Variants in DPH6 observed in about 807,000 individuals in gnomAD.
DPH6 encodes the protein diphthine--ammonia ligase.
Under a neutral mutation model 38.2 loss-of-function variants are expected in DPH6, and 33 were observed. That is an observed-to-expected ratio of 0.86 (90% CI 0.65 to 1.15). DPH6 has a LOEUF of 1.15. Ranked by LOEUF, DPH6 falls within the 50% of genes most tolerant of loss-of-function variation. DPH6 has a pLI of 0.00. For synonymous variants in DPH6, 108 were observed against 103.0 expected (o/e 1.05, Z -0.30); for missense variants, 325 against 320.0 (o/e 1.02, Z -0.12).
intron 3 of DPH6, among the ~76,000 whole-genome samples, chr15:35,223,501 A>G (rs1160964362): frequency 2.0e-5 from 3 of 152,172 alleles, no homozygotes; most frequent in Non-Finnish European, 4.4e-5. Context: ...CCTGGCTAAG[A>G]AGGTGAAACC....
chr15:35,239,867 GACC>G lies in DPH6; in HGVS notation n.201-19288_201-19286del, dbSNP rs1312392699. On this transcript the variant is annotated intron_variant and non_coding_transcript_variant, in intron 3 of 3. Coordinates refer to the DPH6 transcript ENST00000560386. The stretch of plus-strand genomic sequence containing the variant: ...CCCCAATCCCTTATTTCTGCACCCT[GACC>G]TCTTATCTCTGTGCCCCAATCCCTT... Among the ~76,000 whole-genome samples, 9 of 139,660 alleles carry G rather than the reference GACC, an allele frequency of 6.4e-5. 1 individual carries two copies. Among genetic ancestry groups the G allele is most frequent in the African/African-American group, 2.3e-4 (9 of 38,484 alleles). 91.6% of individuals were successfully genotyped at this position (139,660 alleles called of 152,430 possible).
intron 4 of DPH6, among the ~76,000 whole-genome samples, 198 bp downstream of exon 4, chr15:35,454,549 A>C (rs2053972591): frequency 6.6e-6 from 1 of 152,140 alleles, no homozygotes; most frequent in South Asian, 2.1e-4. Context: ...AAATAAGTTA[A>C]GTTTCCTCAT....
At chr15:35,272,918 A>AG (rs1266502365) in intron 3 of DPH6, among the ~76,000 whole-genome samples, 7 of 151,006 alleles carry the variant, frequency 4.6e-5, no homozygotes, top group Admixed American at 4.6e-4. Flanking sequence ...AAAAAAAAAA[A>AG]CAAACCAAAA....
intron 3 of DPH6, among the ~76,000 whole-genome samples, chr15:35,289,567 T>C (rs2051966194): frequency 6.6e-6 from 1 of 152,244 alleles, no homozygotes; most frequent in African/African-American, 2.4e-5. Flanking sequence ...CTCATATTAT[T>C]GTTCAGAGAT....
chr15:35,365,887 GT>G, downstream of DPH6: 7 of 985,202 alleles, frequency 7.1e-6, no homozygotes, highest in Non-Finnish European at 8.4e-6. Flanking sequence ...CAAGCCCCAA[GT>G]TGTCTCATTT....
At chr15:35,346,439 G>C (rs2052462378) in intron 3 of DPH6, among the ~76,000 whole-genome samples, 1 of 152,048 alleles carries the variant, frequency 6.6e-6, no homozygotes, top group Non-Finnish European at 1.5e-5. Context: ...GCAGAGAGTA[G>C]TTGGCAGTAC....
the DPH6 span, among the ~76,000 whole-genome samples, chr15:35,151,837 C>T: frequency 3.3e-5 from 5 of 152,142 alleles, no homozygotes; most frequent in Non-Finnish European, 5.9e-5. Context: ...TGATAATAAG[C>T]GACGCAGAAC....
At chr15:35,377,333 A>G (rs2140931283) in intron 7 of DPH6, among the ~76,000 whole-genome samples, 1 of 152,058 alleles carries the variant, frequency 6.6e-6, no homozygotes, top group Non-Finnish European at 1.5e-5. Context: ...CCATCCATCC[A>G]TCCATCCATC....
chr15:35,229,331 G>GGTCA (rs1037683495), intron 3 of DPH6, among the ~76,000 whole-genome samples: 4 of 151,560 alleles, frequency 2.6e-5, no homozygotes, highest in East Asian at 3.9e-4. Context: ...TAAAAGACTC[G>GGTCA]GATGTATTCT....
intron 3 of DPH6, among the ~76,000 whole-genome samples, chr15:35,510,471 A>C (rs905095492): frequency 6.6e-6 from 1 of 152,250 alleles, no homozygotes; most frequent in African/African-American, 2.4e-5. Flanking sequence ...CAACTCCTGC[A>C]TATGTATCAG....
chr15:35,522,038 ATGTC>A, intron 3 of DPH6: 10 of 1,574,160 alleles, frequency 6.4e-6, no homozygotes, highest in Non-Finnish European at 8.6e-6. Flanking sequence ...TCCAATTAGT[ATGTC>A]TAAGTTTTTA....
chr15:35,336,187 T>C (rs1318154898), intron 3 of DPH6, among the ~76,000 whole-genome samples: 1 of 152,168 alleles, frequency 6.6e-6, no homozygotes, highest in Non-Finnish European at 1.5e-5. Context: ...TTGCCTGTTG[T>C]TGGTGTATAG....
intron 3 of DPH6, among the ~76,000 whole-genome samples, chr15:35,509,219 C>G (rs2054735201): frequency 6.6e-6 from 1 of 152,140 alleles, no homozygotes; most frequent in South Asian, 2.1e-4. Flanking sequence ...ATTTTCTTCC[C>G]ATTTTTAACC....
intron 3 of DPH6, among the ~76,000 whole-genome samples, chr15:35,304,786 T>A (rs2052076834): frequency 6.6e-6 from 1 of 151,580 alleles, no homozygotes; most frequent in African/African-American, 2.4e-5. Flanking sequence ...TGAAGCTATT[T>A]GGATGGTAAA....
At chr15:35,472,972 C>T (rs2054216446) in intron 3 of DPH6, among the ~76,000 whole-genome samples, 1 of 151,112 alleles carries the variant, frequency 6.6e-6, no homozygotes, top group South Asian at 2.1e-4. Context: ...TCACCACATG[C>T]AGGGTTAGTA....
chr15:35,290,211 G>C (rs2096182377), intron 3 of DPH6, among the ~76,000 whole-genome samples: 1 of 152,184 alleles, frequency 6.6e-6, no homozygotes, highest in African/African-American at 2.4e-5. Context: ...GAGCTTAGTA[G>C]GTACACAGCA....
At chr15:35,533,853 T>C (rs752541153) in intron 3 of DPH6, among the ~76,000 whole-genome samples, 1 of 151,952 alleles carries the variant, frequency 6.6e-6, no homozygotes, top group Non-Finnish European at 1.5e-5. Context: ...TAATCTACTG[T>C]TTGCATGGAA....
chr15:35,151,134 GT>G, the DPH6 span, among the ~76,000 whole-genome samples: 1 of 152,208 alleles, frequency 6.6e-6, no homozygotes, highest in Non-Finnish European at 1.5e-5. Context: ...GGGGAAGTGG[GT>G]TTGACTTTCA....
the DPH6 span, among the ~76,000 whole-genome samples, chr15:35,195,481 T>C: frequency 6.6e-6 from 1 of 152,140 alleles, no homozygotes; most frequent in Non-Finnish European, 1.5e-5. Context: ...TGAATCCATA[T>C]TTAAAGCAGG....
Sources: allele counts gnomAD v4.1 joint callset (sites outside exome capture counted in the v4.1 genomes callset), GRCh38; gene constraint gnomAD v4.1.1; transcripts MANE v1.5; gene names NCBI Gene and HGNC (gene_info 2026-07-23, HGNC 2026-07-21).